Variants in WWP2 observed in about 807,000 individuals in gnomAD.
The protein encoded by WWP2 is NEDD4-like E3 ubiquitin-protein ligase WWP2.
Under a neutral mutation model 121.0 loss-of-function variants are expected in WWP2, and 57 were observed. The observed-to-expected ratio is 0.47, with a 90% confidence interval of 0.38 to 0.59. WWP2 has a LOEUF of 0.59. WWP2 is among the 20% of genes least tolerant of loss of function. The pLI, the probability that WWP2 is intolerant of heterozygous loss-of-function variation, is 0.00. For synonymous variants in WWP2, 449 were observed against 441.3 expected (o/e 1.02, Z -0.22); for missense variants, 962 against 1,158.9 (o/e 0.83, Z 2.47).
At chr16:69,781,023 G>A (rs2055653130) in intron 1 of WWP2, among the ~76,000 whole-genome samples, 1 of 151,942 alleles carries the variant, frequency 6.6e-6, no homozygotes, top group Admixed American at 6.6e-5. Context: ...GCTAGACCCT[G>A]TCTCAAAAAA....
intron 9 of WWP2, among the ~76,000 whole-genome samples, chr16:69,912,037 C>G (rs569241465): frequency 6.6e-6 from 1 of 152,078 alleles, no homozygotes; most frequent in East Asian, 1.9e-4. Context: ...CGCCTGTAAT[C>G]CCAGCACTTT....
At chr16:69,790,152 C>T (rs2055877983) in intron 2 of WWP2, among the ~76,000 whole-genome samples, 1 of 152,146 alleles carries the variant, frequency 6.6e-6, no homozygotes. Context: ...GAGGCTGAGG[C>T]AGGGGAACCG....
At chr16:69,847,564 A>G (rs927249022) in intron 6 of WWP2, among the ~76,000 whole-genome samples, 1 of 151,054 alleles carries the variant, frequency 6.6e-6, no homozygotes, top group Non-Finnish European at 1.5e-5. Context: ...ATGCGCCACC[A>G]TGCCTGACTA....
At chr16:69,783,950 A>T (rs1012699003) in intron 1 of WWP2, among the ~76,000 whole-genome samples, 1 of 152,072 alleles carries the variant, frequency 6.6e-6, no homozygotes, top group African/African-American at 2.4e-5. Flanking sequence ...GTGAGATACC[A>T]TCTCTAAAAA....
chr16:69,768,541 C>T (rs770016215), intron 1 of WWP2, among the ~76,000 whole-genome samples: 1 of 152,188 alleles, frequency 6.6e-6, no homozygotes, highest in East Asian at 1.9e-4. Flanking sequence ...ACCCAGGAGG[C>T]GGAGGTTGCA....
chr16:69,937,153 A>G lies in WWP2; in HGVS notation c.2153A>G (p.Glu718Gly). Residue 718 changes from glutamate (E) to glycine (G), a missense_variant, in exon 20 of 24, where the codon GAA (glutamate) becomes GGA (glycine). Around this residue, in one of 3 missense-constraint regions of WWP2, gnomAD observed 606 missense variants for 772.6 expected, o/e 0.78. Coordinates refer to ENST00000359154, the MANE Select transcript of WWP2 (RefSeq NM_001270454.2). This position sits in a 1 kb window ranked among gnomAD's most constrained non-coding sequence, Gnocchi z 6.6. ...GACTGGCGTTTCACCCGAGGCGTGG[A>G]AGAGCAGACCAAAGCCTTCCTGGAT... The part of the protein sequence containing the change: ...LTDWRFTRGV[E>G]EQTKAFLDGF... The G allele has an allele frequency of 6.2e-7, 1 of 1,613,948 alleles. No homozygotes were observed.
At position 69,849,148 on chromosome 16, in the gene WWP2, G is replaced by C. The variant is rs571555019; in HGVS notation, c.575+7028G>C. Among the ~76,000 whole-genome samples, 17 of 152,342 alleles carry C rather than the reference G, an allele frequency of 1.1e-4. No individual in the cohort carries two copies. The South Asian group carries it at 3.5e-3, about 32-fold the overall frequency. On this transcript the variant is annotated intron_variant, in intron 6 of 23. Transcript: ENST00000359154. ...AGAAAGGAAAGAAAAATAAACTCAG[G>C]CGGGTGTGAGTCCACTGTGAACACT...
At chr16:69,788,198 TA>T (rs1325754876) in intron 2 of WWP2, 115 of 143,564 alleles carry the variant, frequency 8.0e-4, no homozygotes, top group Middle Eastern at 3.5e-3. Context: ...CCCCCGTCTC[TA>T]AAAAAAAAAA....
intron 4 of WWP2, among the ~76,000 whole-genome samples, chr16:69,833,666 C>T (rs2056829513): frequency 6.6e-6 from 1 of 152,250 alleles, no homozygotes; most frequent in African/African-American, 2.4e-5. Context: ...AGTATGTTTG[C>T]TGATTACTGA....
chr16:69,787,719 A>T (rs1315501094), intron 2 of WWP2, among the ~76,000 whole-genome samples: 1 of 152,210 alleles, frequency 6.6e-6, no homozygotes, highest in Non-Finnish European at 1.5e-5. Flanking sequence ...CCAATAGAAG[A>T]TCACTCCTCT....
At chr16:69,880,265 T>G (rs2057803559) in intron 7 of WWP2, among the ~76,000 whole-genome samples, 1 of 149,202 alleles carries the variant, frequency 6.7e-6, no homozygotes, top group South Asian at 2.1e-4. Flanking sequence ...TGTCATTTTT[T>G]ACTGTGATTT....
At chr16:69,890,187 T>C (rs1363812445) in intron 8 of WWP2, among the ~76,000 whole-genome samples, 1 of 151,812 alleles carries the variant, frequency 6.6e-6, no homozygotes, top group African/African-American at 2.4e-5. Flanking sequence ...TAAGCCACTT[T>C]CAAAAACCCA....
rs1004344712 is a variant in WWP2, at chr16:69,940,681, G to C, written c.*741G>C. On this transcript the variant is annotated 3_prime_UTR_variant, in exon 24 of 24. Coordinates refer to ENST00000359154, the MANE Select transcript of WWP2 (RefSeq NM_001270454.2). Reference sequence around the variant, plus strand: ...TTTTGTTACGCTGCTGTCACTTTCTGTCCAGGAGCTGGCACCCCAGGTGTT... The same window carrying C: ...TTTTGTTACGCTGCTGTCACTTTCTCTCCAGGAGCTGGCACCCCAGGTGTT... The C allele has an allele frequency of 1.3e-5, 2 of 152,260 alleles. No homozygotes were observed. The highest frequency in any genetic ancestry group is 6.5e-5 in the Admixed American group (1 of 15,280). The allele number at this position is 152,260 out of a possible 1,614,324, so 9.4% of individuals were successfully genotyped here.
intron 17 of WWP2, among the ~76,000 whole-genome samples, chr16:69,934,768 C>G (rs2058770170): frequency 6.6e-6 from 1 of 151,158 alleles, no homozygotes; most frequent in Admixed American, 6.6e-5. Flanking sequence ...TCTTCAGTAC[C>G]TACAGGGCAG....
At position 69,937,490 on chromosome 16, in the gene WWP2, G is replaced by T; in HGVS notation, c.2239-58G>T. 6.4e-7 allele frequency: 1 copy of T among 1,567,520 alleles called. No individual in the cohort carries two copies. Among genetic ancestry groups the T allele is most frequent in the South Asian group, 1.1e-5 (1 of 89,776 alleles). ...GTTTGGGGTAATGTCAAGTGCTAGC[G>T]AGTGGACGATGCGCGGGGAGGGACC... On this transcript the variant is annotated intron_variant, in intron 20 of 23. Transcript: ENST00000359154. The surrounding 1 kb of genome is among the most constrained non-coding windows in gnomAD (Gnocchi z 6.6).
chr16:69,838,018 T>A (rs936465248), intron 4 of WWP2, among the ~76,000 whole-genome samples: 2 of 151,698 alleles, frequency 1.3e-5, no homozygotes, highest in Non-Finnish European at 2.9e-5. Context: ...AGGCCAGGAG[T>A]TCGAGACCAG....
intron 8 of WWP2, among the ~76,000 whole-genome samples, chr16:69,904,291 A>G (rs2058253029): frequency 6.6e-6 from 1 of 152,068 alleles, no homozygotes; most frequent in South Asian, 2.1e-4. Context: ...CAGCCTCTTG[A>G]GCTGGCAATA....
At position 69,909,171 on chromosome 16, in the gene WWP2, C is replaced by T. The variant is rs918588832; in HGVS notation, c.1004+321C>T. Reference sequence around the variant, plus strand: ...ATTCGGCAGGGCTTCGTGAGAATGCCGCCAAGTTATCCAAAACCAAAGGAT... The same window carrying T: ...ATTCGGCAGGGCTTCGTGAGAATGCTGCCAAGTTATCCAAAACCAAAGGAT... On this transcript the variant is annotated intron_variant, in intron 9 of 23. Coordinates refer to ENST00000359154, the MANE Select transcript of WWP2 (RefSeq NM_001270454.2). 34 of 1,034,430 alleles carry T rather than the reference C, an allele frequency of 3.3e-5. No individual in the cohort carries two copies. In the Admixed American group the frequency reaches 9.8e-4, roughly 30 times the overall value. 64.1% of individuals were successfully genotyped at this position (1,034,430 alleles called of 1,614,324 possible). A position where few individuals can be genotyped will look rare whatever the true frequency, so the allele number is the denominator to read the frequency against.
intron 5 of WWP2, among the ~76,000 whole-genome samples, chr16:69,840,905 A>G (rs1253150726): frequency 6.6e-6 from 1 of 152,192 alleles, no homozygotes; most frequent in Non-Finnish European, 1.5e-5. Context: ...ACCAAGCAGG[A>G]TTTCTGTAGC....
Sources: gnomAD v4.1 joint callset for allele counts (sites outside exome capture counted in the v4.1 genomes callset) on GRCh38, gnomAD v4.1.1 for gene constraint, gnomAD v4.1.1 regional missense constraint, Gnocchi (gnomAD v3.1) non-coding constraint, MANE v1.5 for transcripts, NCBI Gene and HGNC (gene_info 2026-07-23, HGNC 2026-07-21) for gene names.